Variants in CAMK2D observed in about 807,000 individuals in gnomAD.
The protein encoded by CAMK2D is calcium/calmodulin dependent protein kinase II delta.
Under a neutral mutation model 84.0 loss-of-function variants are expected in CAMK2D, and 37 were observed. The observed-to-expected ratio is 0.44, with a 90% confidence interval of 0.34 to 0.58. The LOEUF is 0.58. Among genes scored for constraint, CAMK2D ranks in the 20% least tolerant of loss-of-function variants. CAMK2D has a pLI of 0.02. For synonymous variants in CAMK2D, 202 were observed against 212.5 expected (o/e 0.95, Z 0.43); for missense variants, 448 against 652.5 (o/e 0.69, Z 3.41).
intron 16 of CAMK2D, among the ~76,000 whole-genome samples, chr4:113,498,468 G>C (rs2097975330): frequency 6.7e-6 from 1 of 150,134 alleles, no homozygotes. Context: ...CTATGGTTAT[G>C]ACATTTTTGG....
intron 3 of CAMK2D, among the ~76,000 whole-genome samples, chr4:113,647,177 C>A (rs1278818211): frequency 3.3e-5 from 5 of 152,136 alleles, no homozygotes; most frequent in Non-Finnish European, 7.4e-5. Context: ...GTGAAGGAAT[C>A]AGGATTGCCA....
intron 4 of CAMK2D, among the ~76,000 whole-genome samples, chr4:113,597,804 G>C (rs558792926): frequency 6.6e-6 from 1 of 152,306 alleles, no homozygotes; most frequent in South Asian, 2.1e-4. Flanking sequence ...TAAAATGAGA[G>C]ATGTGTGACT....
At chr4:113,609,605 T>G (rs2098991515) in intron 3 of CAMK2D, among the ~76,000 whole-genome samples, 1 of 152,182 alleles carries the variant, frequency 6.6e-6, no homozygotes, top group African/African-American at 2.4e-5. Context: ...TCCTTGCCAC[T>G]CTCTTTGCTA....
Position 113,586,030 on chromosome 4 carries a change from T to C in CAMK2D, c.275+23122A>G, listed in dbSNP as rs181756334. The stretch of plus-strand genomic sequence containing the variant: ...TTTCTGTCTGACTGTAGTGGACCTA[T>C]GCGGTTTTTTAATTTGTTTTTTGTT... On this transcript the variant is annotated intron_variant, in intron 4 of 20. Transcript: ENST00000511664. Among the ~76,000 whole-genome samples, 566 of 152,302 alleles carry C rather than the reference T, an allele frequency of 3.7e-3. 1 individual carries two copies. Among genetic ancestry groups the C allele is most frequent in the Non-Finnish European group, 5.5e-3 (373 of 68,010 alleles).
At chr4:113,749,853 T>C (rs1266129451) in intron 2 of CAMK2D, among the ~76,000 whole-genome samples, 1 of 152,242 alleles carries the variant, frequency 6.6e-6, no homozygotes, top group African/African-American at 2.4e-5. Context: ...ATTTGTGAAT[T>C]ACAAATTAAT....
intron 9 of CAMK2D, among the ~76,000 whole-genome samples, chr4:113,515,848 A>AATCTT (rs1182979197): frequency 6.6e-6 from 1 of 152,210 alleles, no homozygotes; most frequent in African/African-American, 2.4e-5. Flanking sequence ...AAAGTAATCA[A>AATCTT]ATCTTATAAC....
chr4:113,563,589 T>C (rs1210148542), intron 4 of CAMK2D, among the ~76,000 whole-genome samples: 2 of 152,242 alleles, frequency 1.3e-5, no homozygotes, highest in African/African-American at 4.8e-5. Context: ...AACTCTAAGA[T>C]AGTGGTTCAA....
At chr4:113,610,956 T>G (rs2098997557) in intron 3 of CAMK2D, among the ~76,000 whole-genome samples, 1 of 152,092 alleles carries the variant, frequency 6.6e-6, no homozygotes, top group Admixed American at 6.6e-5. Flanking sequence ...TAGATGGTCT[T>G]TCATCAAATT....
At chr4:113,749,901 A>T (rs1227576269) in intron 2 of CAMK2D, among the ~76,000 whole-genome samples, 1 of 152,236 alleles carries the variant, frequency 6.6e-6, no homozygotes, top group Non-Finnish European at 1.5e-5. Flanking sequence ...ATGAAGTCTT[A>T]GTCAATTTTC....
At position 113,757,625 on chromosome 4, in the gene CAMK2D, C is replaced by T. The variant is rs913864046; in HGVS notation, c.160+1695G>A. Among the ~76,000 whole-genome samples, 4 of 152,230 alleles carry T rather than the reference C, an allele frequency of 2.6e-5. No homozygotes were observed. The East Asian group carries it at 7.7e-4, about 29-fold the overall frequency. ...GTCTCCTAACTCTTCACCCTAGTTC[C>T]TTTTTCTAAGTAGAATAATGAAAAT... On this transcript the variant is annotated intron_variant, in intron 2 of 20. Transcript: ENST00000511664.
At chr4:113,736,649 T>C (rs1287288942) in intron 2 of CAMK2D, among the ~76,000 whole-genome samples, 2 of 152,182 alleles carry the variant, frequency 1.3e-5, no homozygotes, top group Admixed American at 6.5e-5. Context: ...TGCAATGCAA[T>C]GTACAGGGCA....
intron 2 of CAMK2D, among the ~76,000 whole-genome samples, chr4:113,713,970 G>C (rs1286304942): frequency 1.3e-5 from 2 of 151,428 alleles, no homozygotes; most frequent in Admixed American, 6.6e-5. Flanking sequence ...TCTGTTTTTT[G>C]TGAGTTTTTA....
chr4:113,642,772 G>C (rs2099137457), intron 3 of CAMK2D, among the ~76,000 whole-genome samples: 1 of 150,632 alleles, frequency 6.6e-6, no homozygotes, highest in Admixed American at 6.6e-5. Flanking sequence ...CGCTCTGCTA[G>C]AAAGGCACCA....
chr4:113,610,067 T>C (rs1001975732), intron 3 of CAMK2D, among the ~76,000 whole-genome samples: 15 of 152,148 alleles, frequency 9.9e-5, no homozygotes, highest in Admixed American at 2.0e-4. Context: ...TTTTTACTTT[T>C]ATTTTAGCTT....
rs750517210 is a variant in CAMK2D, at chr4:113,505,001, T to C, written c.1019A>G (p.Lys340Arg). ...NNKANVVTSP[K>R]ENIPTPALEP... is the part of the protein sequence containing the mutation. ...CAGCGCTGGGGTAGGAATATTTTCT[T>C]TGGGGCTGGTTACCACGTTGGCTTT... Residue 340 changes from lysine to arginine, a missense_variant, in exon 14 of 21, where the codon AAA (lysine) becomes AGA (arginine). Lys to Arg is a conservative substitution (Grantham distance 26). Around this residue, in one of 7 missense-constraint regions of CAMK2D, gnomAD observed 219 missense variants for 272.1 expected, o/e 0.80. Coordinates refer to ENST00000511664, the MANE Select transcript of CAMK2D (RefSeq NM_001321571.2). 3.2e-6 allele frequency: 5 copies of C among 1,582,454 alleles called. No homozygotes were observed. Among genetic ancestry groups the C allele is most frequent in the Admixed American group, 1.7e-5 (1 of 58,086 alleles).
chr4:113,696,623 C>T (rs2099403680), intron 2 of CAMK2D, among the ~76,000 whole-genome samples: 1 of 152,066 alleles, frequency 6.6e-6, no homozygotes. Flanking sequence ...GCCTTCTCAT[C>T]TTCATCACGG....
At chr4:113,468,522 T>C (rs953561484) in intron 16 of CAMK2D, among the ~76,000 whole-genome samples, 1 of 152,120 alleles carries the variant, frequency 6.6e-6, no homozygotes, top group African/African-American at 2.4e-5. Context: ...AGGCTGGAAA[T>C]GAATCATTTG....
At chr4:113,520,671 G>A (rs945691576) in intron 8 of CAMK2D, among the ~76,000 whole-genome samples, 1 of 151,934 alleles carries the variant, frequency 6.6e-6, no homozygotes, top group Non-Finnish European at 1.5e-5. Flanking sequence ...TCCAAATGTT[G>A]GGTATCTCTC....
At chr4:113,726,374 CTTTTTTTTTT>C (rs34696947) in intron 2 of CAMK2D, among the ~76,000 whole-genome samples, 35 of 69,576 alleles carry the variant, frequency 5.0e-4, no homozygotes, top group African/African-American at 1.9e-3. Context: ...TTTGCTTGGG[CTTTTTTTTTT>C]TTTTTTTTTT....
Sources: allele counts gnomAD v4.1 joint callset (sites outside exome capture counted in the v4.1 genomes callset), GRCh38; gene constraint gnomAD v4.1.1; regional missense constraint gnomAD v4.1.1; transcripts MANE v1.5; gene names NCBI Gene and HGNC (gene_info 2026-07-23, HGNC 2026-07-21).